SH2D4A: variants seen among roughly 807,000 people sequenced by gnomAD.
SH2D4A encodes the protein SH2 domain-containing protein 4A.
Under a neutral mutation model 64.7 loss-of-function variants are expected in SH2D4A, and 70 were observed. The observed-to-expected ratio is 1.08, with a 90% CI of 0.89 to 1.32. The LOEUF is 1.32. Ranked by LOEUF, SH2D4A falls within the 40% of genes most tolerant of loss-of-function variation. The pLI is 0.00. For missense variants in SH2D4A, 706 were observed against 540.1 expected (o/e 1.31, Z -3.04); for synonymous variants, 268 against 200.7 (o/e 1.34, Z -2.83).
At chr8:19,346,711 A>G (rs2117244430) in intron 4 of SH2D4A, among the ~76,000 whole-genome samples, 1 of 152,260 alleles carries the variant, frequency 6.6e-6, no homozygotes, top group Middle Eastern at 3.4e-3. Flanking sequence ...TAAATTTAGC[A>G]ACACTGACTC....
chr8:19,342,776 A>G (rs143430314), intron 4 of SH2D4A, among the ~76,000 whole-genome samples: 1 of 152,292 alleles, frequency 6.6e-6, no homozygotes, highest in African/African-American at 2.4e-5. Flanking sequence ...TTTCCCCTCC[A>G]CTAGCAGTGA....
intron 2 of SH2D4A, among the ~76,000 whole-genome samples, chr8:19,321,891 A>G (rs944510227): frequency 2.6e-5 from 4 of 152,186 alleles, no homozygotes; most frequent in African/African-American, 9.7e-5. Flanking sequence ...GTGATGACTT[A>G]AAATAATAAT....
At chr8:19,368,444 G>T (rs1455133814) in intron 7 of SH2D4A, among the ~76,000 whole-genome samples, 1 of 151,926 alleles carries the variant, frequency 6.6e-6, no homozygotes, top group Non-Finnish European at 1.5e-5. Context: ...GATCTTTTTG[G>T]GTAGTACAGC....
In SH2D4A at chr8:19,319,591, T is replaced by C. The variant is rs1446404815; in HGVS notation, c.44T>C (p.Leu15Pro). 1.2e-6 allele frequency: 2 copies of C among 1,604,450 alleles called. No individual in the cohort carries two copies. Among genetic ancestry groups the C allele is most frequent in the Non-Finnish European group, 1.7e-6 (2 of 1,176,558 alleles). The stretch of plus-strand genomic sequence containing the variant: ...TCGGAGATGTACATAGATCCTGATC[T>C]ACTGGCAGAGCTCAGCGAAGAACAG... ...ILSEMYIDPD[L>P]LAELSEEQKQ... Residue 15 changes from leucine to proline, a missense_variant, in exon 2 of 10, where the codon CTA becomes CCA. Coordinates refer to ENST00000265807, the MANE Select transcript of SH2D4A (RefSeq NM_022071.4).
intron 4 of SH2D4A, among the ~76,000 whole-genome samples, chr8:19,354,537 G>A (rs1029859512): frequency 2.0e-5 from 3 of 152,090 alleles, no homozygotes; most frequent in African/African-American, 4.8e-5. Flanking sequence ...TCATAACCGC[G>A]TCAGATCTGA....
chr8:19,340,601 CTTTTT>C (rs535915285), intron 4 of SH2D4A, among the ~76,000 whole-genome samples: 3 of 100,508 alleles, frequency 3.0e-5, no homozygotes, highest in African/African-American at 8.0e-5. Context: ...TTCTTTCTTT[CTTTTT>C]TTTTTTTTTT....
chr8:19,363,800 T>C (rs2052934361), intron 6 of SH2D4A: 2 of 460,212 alleles, frequency 4.3e-6, no homozygotes, highest in South Asian at 5.0e-5. Flanking sequence ...TTGCACACTT[T>C]CTCTACTTCT....
intron 4 of SH2D4A, among the ~76,000 whole-genome samples, chr8:19,339,667 T>G (rs747212839): frequency 6.6e-5 from 10 of 151,840 alleles, no homozygotes; most frequent in Non-Finnish European, 1.2e-4. Flanking sequence ...CCCCAGCCAA[T>G]TTTAACAATT....
In SH2D4A at chr8:19,369,164, G is replaced by A. The variant is rs186745371; in HGVS notation, c.918-4366G>A. 1.4e-4 allele frequency among the ~76,000 whole-genome samples: 21 copies of A among 152,144 alleles called. No individual in the cohort carries two copies. The South Asian group carries it at 2.3e-3, about 17-fold the overall frequency. On this transcript the variant is annotated intron_variant, in intron 7 of 9. Transcript: ENST00000265807. ...TTCGTTTATGTTGAACCATCCTTGCGTCCCTGAGATGAATTTCCTTTGAAC... is the reference window on the plus strand; with the variant it reads ...TTCGTTTATGTTGAACCATCCTTGCATCCCTGAGATGAATTTCCTTTGAAC...
intron 5 of SH2D4A, among the ~76,000 whole-genome samples, chr8:19,360,199 C>A (rs6586826): frequency 5.3e-5 from 8 of 151,924 alleles, no homozygotes; most frequent in African/African-American, 1.9e-4. Context: ...GAATTTTACC[C>A]TAAGTTTTAA....
In SH2D4A at chr8:19,355,116, A is replaced by G. The variant is rs1037627360; in HGVS notation, c.514-2087A>G. Among the ~76,000 whole-genome samples, 16 of 152,176 alleles carry G rather than the reference A, an allele frequency of 1.1e-4. 1 individual carries two copies. The highest frequency in any genetic ancestry group is 3.9e-4 in the African/African-American group (16 of 41,530). On this transcript the variant is annotated intron_variant, in intron 4 of 9. Coordinates refer to ENST00000265807, the MANE Select transcript of SH2D4A (RefSeq NM_022071.4). ...GATTCATTAGTTTGCCAAGTAATAA[A>G]CATAGCATATTTGAAACATTCTCTG...
chr8:19,363,220 C>T (rs150960161), intron 6 of SH2D4A, among the ~76,000 whole-genome samples: 85 of 152,114 alleles, frequency 5.6e-4, no homozygotes, highest in African/African-American at 1.9e-3. Flanking sequence ...GGATTACAGG[C>T]GCCTGCCACC....
intron 7 of SH2D4A, 58 bp downstream of exon 7, chr8:19,364,340 G>C (rs140625181): frequency 2.4e-5 from 38 of 1,580,266 alleles, no homozygotes; most frequent in African/African-American, 4.1e-5. Context: ...TTGAATAAGC[G>C]TTGAAATTAA....
intron 2 of SH2D4A, among the ~76,000 whole-genome samples, chr8:19,329,620 A>G (rs1055808891): frequency 3.9e-5 from 6 of 152,182 alleles, no homozygotes; most frequent in African/African-American, 9.6e-5. Context: ...TTGTACTCCC[A>G]TAATTCCCAC....
intron 2 of SH2D4A, among the ~76,000 whole-genome samples, chr8:19,321,363 G>A (rs1318391185): frequency 6.6e-6 from 1 of 152,064 alleles, no homozygotes; most frequent in Non-Finnish European, 1.5e-5. Flanking sequence ...ACAGGCATGT[G>A]CCACCACACC....
At chr8:19,366,847 G>T (rs1304077272) in intron 7 of SH2D4A, among the ~76,000 whole-genome samples, 1 of 152,220 alleles carries the variant, frequency 6.6e-6, no homozygotes, top group Non-Finnish European at 1.5e-5. Flanking sequence ...AGGTCATGCA[G>T]TGTTTGTCCT....
intron 4 of SH2D4A, among the ~76,000 whole-genome samples, chr8:19,335,319 C>T (rs1413002528): frequency 6.6e-6 from 1 of 151,976 alleles, no homozygotes; most frequent in East Asian, 1.9e-4. Flanking sequence ...TCCTCTTGCT[C>T]ATGTCACTTG....
chr8:19,341,672 G>C (rs1404107271), intron 4 of SH2D4A, among the ~76,000 whole-genome samples: 1 of 151,894 alleles, frequency 6.6e-6, no homozygotes, highest in Non-Finnish European at 1.5e-5. Flanking sequence ...GCGAAACCCT[G>C]TCTCTATAAA....
chr8:19,364,750 A>C (rs1197061462), intron 7 of SH2D4A, among the ~76,000 whole-genome samples: 1 of 152,196 alleles, frequency 6.6e-6, no homozygotes, highest in Non-Finnish European at 1.5e-5. Flanking sequence ...TTCACTGCCA[A>C]GGATTAAAGG....
Sources: gnomAD v4.1 joint callset for allele counts (sites outside exome capture counted in the v4.1 genomes callset) on GRCh38, gnomAD v4.1.1 for gene constraint, MANE v1.5 for transcripts, NCBI Gene and HGNC (gene_info 2026-07-23, HGNC 2026-07-21) for gene names.